The following QRSL1 variants were observed in gnomAD, a reference collection of about 807,000 sequenced individuals.
QRSL1 encodes the protein glutaminyl-tRNA amidotransferase subunit QRSL1.
QRSL1 carries 54 observed loss-of-function variants against 61.6 expected under a neutral mutation model. The observed-to-expected ratio is 0.88, with a 90% confidence interval of 0.70 to 1.10. The LOEUF (loss-of-function observed/expected upper bound fraction) is 1.10, where lower values mean the gene tolerates loss of function less well. QRSL1 is among the 50% of genes least tolerant of loss of function. QRSL1 has a pLI of 0.00. For synonymous variants in QRSL1, 228 were observed against 225.7 expected (o/e 1.01, Z -0.09); for missense variants, 505 against 622.6 (o/e 0.81, Z 2.01).
At chr6:106,634,541 C>T (rs951515239) in intron 1 of QRSL1, among the ~76,000 whole-genome samples, 2 of 152,186 alleles carry the variant, frequency 1.3e-5, no homozygotes, top group African/African-American at 4.8e-5. Flanking sequence ...CTGAGGCAGG[C>T]TGATTGTCTG....
intron 4 of QRSL1, among the ~76,000 whole-genome samples, chr6:106,646,973 A>G (rs1277078605): frequency 7.0e-6 from 1 of 143,058 alleles, no homozygotes; most frequent in Non-Finnish European, 1.5e-5. Context: ...GGTTGCAGTG[A>G]GCCGAAATCA....
chr6:106,645,048 A>G (rs9372138), intron 4 of QRSL1, among the ~76,000 whole-genome samples: 11,756 of 152,288 alleles, frequency 0.077, 543 homozygotes, highest in East Asian at 0.11. Context: ...AATCAAGCAC[A>G]TTCAGTAGGT....
rs144555270 is a variant in QRSL1 at position 106,652,337 on chromosome 6, T to G, written c.686T>G (p.Val229Gly). 2,924 of 1,614,220 alleles carry G rather than the reference T, an allele frequency of 1.8e-3. 3 individuals carry two copies. Among genetic ancestry groups the G allele is most frequent in the Non-Finnish European group, 2.2e-3 (2,641 of 1,180,042 alleles). Residue 229 changes from valine (V) to glycine (G), a missense_variant, in exon 6 of 11, where the codon GTG (valine) becomes GGG (glycine). Transcript: ENST00000369046. ...GLIPLVNSMD[V>G]PGILTRCVDD... The stretch of plus-strand genomic sequence containing the variant: ...ATTCCCCTGGTGAATTCGATGGATG[T>G]GCCAGGAATCTTAACCAGATGTGTG...
In QRSL1 at chr6:106,667,272, T is replaced by C; in HGVS notation, c.*1270T>C. ...CCCCAGATTCTCTATATCTCATGGT[T>C]TCCTTTTCCTCTTGACTGTCTTTAC... On this transcript the variant is annotated 3_prime_UTR_variant, in exon 11 of 11. Transcript: ENST00000369046. The C allele has an allele frequency of 6.6e-6, 1 of 152,198 alleles. No individual in the cohort carries two copies. The highest frequency in any genetic ancestry group is 1.9e-4 in the East Asian group (1 of 5,196). The allele number at this position is 152,198 out of a possible 1,614,324, so 9.4% of individuals were successfully genotyped here. A position where few individuals can be genotyped will look rare whatever the true frequency, so the allele number is the denominator to read the frequency against.
intron 9 of QRSL1, among the ~76,000 whole-genome samples, chr6:106,657,983 G>A (rs139848944): frequency 0.019 from 2,926 of 152,150 alleles, 80 homozygotes; most frequent in African/African-American, 0.068. Flanking sequence ...GATTACAGGC[G>A]TGAGCCACCA....
At chr6:106,629,816 C>A in intron 1 of QRSL1, 111 bp downstream of exon 1, 1 of 1,329,988 alleles carries the variant, frequency 7.5e-7, no homozygotes, top group Non-Finnish European at 1.0e-6. Context: ...TCGCTGCTTC[C>A]TCTAGAACTG....
rs749896179 is a variant in QRSL1 at position 106,655,649 on chromosome 6, C to T, written c.1077C>T (p.Ala359=). 1.2e-6 allele frequency: 2 copies of T among 1,613,040 alleles called. No homozygotes were observed. Among genetic ancestry groups the T allele is most frequent in the Middle Eastern group, 1.7e-4 (1 of 5,834 alleles). ...GTGACATTGATGTGTCCACTGAAGC[C>T]ATGTATGCTGCAACCAGACGAGAAG... ...HRCDIDVSTE[A]MYAATRREGF... is the part of the protein sequence containing the mutation. The change falls in exon 9 of 11, where the codon GCC becomes GCT. Residue 359 remains alanine, a synonymous_variant. Coordinates refer to ENST00000369046, the MANE Select transcript of QRSL1 (RefSeq NM_018292.5).
chr6:106,642,499 G>T, intron 3 of QRSL1: 1 of 691,584 alleles, frequency 1.4e-6, no homozygotes. Flanking sequence ...CACCCAATAT[G>T]TGTTTTCTAG....
At position 106,654,793 on chromosome 6, in the gene QRSL1, T is replaced by C. The variant is rs748813892; in HGVS notation, c.913T>C (p.Phe305Leu). The change falls in exon 8 of 11, where the codon TTT becomes CTT. Residue 305 changes from phenylalanine (F) to leucine (L), a missense_variant. Physicochemically the swap from Phe to Leu is conservative, Grantham distance 22. Coordinates refer to ENST00000369046, the MANE Select transcript of QRSL1 (RefSeq NM_018292.5). ...QSLWSKAADL[F>L]ESEGAKVIEV... ...TCTTTGGTCCAAAGCTGCTGACCTC[T>C]TTGAGTCTGAGGGGGCCAAAGTAAT... The C allele has an allele frequency of 2.5e-6, 4 of 1,613,768 alleles. No individual in the cohort carries two copies. The East Asian group carries it at 8.9e-5, about 36-fold the overall frequency.
At chr6:106,634,238 A>C (rs188560152) in intron 1 of QRSL1, among the ~76,000 whole-genome samples, 1 of 152,350 alleles carries the variant, frequency 6.6e-6, no homozygotes, top group East Asian at 1.9e-4. Context: ...AAAAGGGCCA[A>C]TATGCCTGGA....
Position 106,649,197 on chromosome 6 carries a change from T to C in QRSL1, c.553T>C (p.Tyr185His), listed in dbSNP as rs750724159. The part of the protein sequence containing the change: ...SAAAVSAFTC[Y>H]AALGSDTGGS... Reference sequence around the variant, plus strand: ...AGCTGCTGTATCGGCGTTCACATGCTACGCGTAAGATGCTTTTCTCTATCT... The same window carrying C: ...AGCTGCTGTATCGGCGTTCACATGCCACGCGTAAGATGCTTTTCTCTATCT... The change falls in exon 5 of 11, where the codon TAC (tyrosine) becomes CAC (histidine). Residue 185 changes from tyrosine (Y) to histidine (H), a missense_variant. Physicochemically the swap from Tyr to His is moderately conservative, Grantham distance 83. Coordinates refer to ENST00000369046, the MANE Select transcript of QRSL1 (RefSeq NM_018292.5). 10 of 1,613,930 alleles carry C rather than the reference T, an allele frequency of 6.2e-6. No homozygotes were observed. The highest frequency in any genetic ancestry group is 5.9e-6 in the Non-Finnish European group (7 of 1,179,944).
At chr6:106,655,574 T>C (rs1354900995) in intron 8 of QRSL1, 41 bp from the exon 9 acceptor site, 1 of 1,365,412 alleles carries the variant, frequency 7.3e-7, no homozygotes, top group East Asian at 2.3e-5. Context: ...TTACTGACTT[T>C]ACTTCCTTTC....
chr6:106,629,841 A>G, intron 1 of QRSL1, 136 bp downstream of exon 1: 2 of 1,063,752 alleles, frequency 1.9e-6, no homozygotes, highest in Non-Finnish European at 2.7e-6. Flanking sequence ...GGGGATAAGT[A>G]CCTTTCGATT....
At chr6:106,655,378 T>C (rs1777251282) in intron 8 of QRSL1, among the ~76,000 whole-genome samples, 1 of 152,022 alleles carries the variant, frequency 6.6e-6, no homozygotes, top group South Asian at 2.1e-4. Context: ...AAGCCAGGCA[T>C]GGTGGCGCAT....
At chr6:106,633,077 A>G (rs556938944) in intron 1 of QRSL1, among the ~76,000 whole-genome samples, 6 of 152,324 alleles carry the variant, frequency 3.9e-5, no homozygotes, top group African/African-American at 4.8e-5. Context: ...CTTTTGCCGC[A>G]TGGGGGGAGA....
chr6:106,654,933 T>C lies in QRSL1; in HGVS notation c.1042+11T>C, dbSNP rs1777244169. On this transcript the variant is annotated intron_variant, in intron 8 of 10. Transcript: ENST00000369046. ...ATGGGCTACAATATGGTAAGATGGC[T>C]GGGTTATTTTATTTTTAAGGTAGTT... The C allele has an allele frequency of 9.1e-6, 14 of 1,545,148 alleles. 1 individual carries two copies. Among genetic ancestry groups the C allele is most frequent in the Non-Finnish European group, 1.2e-5 (14 of 1,147,372 alleles).
At position 106,637,751 on chromosome 6, in the gene QRSL1, C is replaced by T. The variant is rs115067369; in HGVS notation, c.25-2598C>T. On this transcript the variant is annotated intron_variant, in intron 1 of 10. Transcript: ENST00000369046. ...TTAACGAAAACTTAAAAGTTAACTT[C>T]GTTTTATATTCAGATTTGACACCTG... Among the ~76,000 whole-genome samples the T allele has an allele frequency of 1.5e-3, 228 of 152,248 alleles. 1 individual carries two copies. Among genetic ancestry groups the T allele is most frequent in the African/African-American group, 5.2e-3 (214 of 41,544 alleles).
chr6:106,656,178 A>G (rs62421030), intron 9 of QRSL1, among the ~76,000 whole-genome samples: 6,172 of 152,344 alleles, frequency 0.041, 175 homozygotes, highest in Non-Finnish European at 0.064. Flanking sequence ...ACACCATTTT[A>G]TATGAGACTT....
chr6:106,630,950 G>A lies in QRSL1; in HGVS notation c.24+1245G>A, dbSNP rs538303768. 5.3e-5 allele frequency among the ~76,000 whole-genome samples: 8 copies of A among 152,244 alleles called. No individual in the cohort carries two copies. In the East Asian group the frequency reaches 1.3e-3, roughly 26 times the overall value. On this transcript the variant is annotated intron_variant, in intron 1 of 10. Coordinates refer to ENST00000369046, the MANE Select transcript of QRSL1 (RefSeq NM_018292.5). ...TGTTCTTTAAAAAATAAATATGCCC[G>A]GCGCGGTGGCTCACGCCTGTAATCC...
Sources: gnomAD v4.1 joint callset for allele counts (sites outside exome capture counted in the v4.1 genomes callset) on GRCh38, gnomAD v4.1.1 for gene constraint, MANE v1.5 for transcripts, NCBI Gene and HGNC (gene_info 2026-07-23, HGNC 2026-07-21) for gene names.